The following YEATS2 variants were observed in gnomAD, a reference collection of about 807,000 sequenced individuals.
YEATS2 encodes the protein YEATS domain containing 2.
YEATS2 carries 77 observed loss-of-function variants against 163.2 expected under a neutral mutation model. The ratio of observed to expected loss-of-function variants is 0.47; its 90% CI spans 0.39 to 0.57. The LOEUF is 0.57. Ranked by LOEUF, YEATS2 falls within the 20% of genes least tolerant of loss-of-function variation. The probability of loss-of-function intolerance (pLI) is 0.00; values close to 1 mark genes in which losing one functional copy is unlikely to be tolerated. For missense variants in YEATS2, 1,549 were observed against 1,729.8 expected (o/e 0.90, Z 1.85); for synonymous variants, 631 against 645.1 (o/e 0.98, Z 0.33).
intron 21 of YEATS2, among the ~76,000 whole-genome samples, chr3:183,795,374 G>A (rs1468051092): frequency 6.6e-6 from 1 of 150,526 alleles, no homozygotes; most frequent in Non-Finnish European, 1.5e-5. Context: ...TGTAGCCTTT[G>A]AACTCCTGGG....
intron 10 of YEATS2, among the ~76,000 whole-genome samples, chr3:183,752,996 C>T (rs1385548676): frequency 6.6e-6 from 1 of 151,854 alleles, no homozygotes; most frequent in Non-Finnish European, 1.5e-5. Context: ...TGGGTTTTCA[C>T]CATGTTGGCC....
At chr3:183,744,093 T>C (rs1485831350) in intron 8 of YEATS2, among the ~76,000 whole-genome samples, 2 of 149,078 alleles carry the variant, frequency 1.3e-5, no homozygotes, top group South Asian at 2.1e-4. Context: ...GGAAAGTCTT[T>C]TAGTTTTGCT....
At chr3:183,722,223 TCA>T in intron 5 of YEATS2, 87 bp downstream of exon 5, 1 of 1,382,120 alleles carries the variant, frequency 7.2e-7, no homozygotes, top group Non-Finnish European at 9.6e-7. Context: ...CACTGAACTG[TCA>T]CAGGAATCTT....
intron 21 of YEATS2, among the ~76,000 whole-genome samples, 155 bp from the exon 22 acceptor site, chr3:183,797,758 TGAAATCCACA>T (rs762523395): frequency 6.6e-6 from 1 of 152,212 alleles, no homozygotes; most frequent in Non-Finnish European, 1.5e-5. Flanking sequence ...TGTTTTATTG[TGAAATCCACA>T]GCATCTGTTG....
At chr3:183,737,394 T>C (rs538834086) in intron 8 of YEATS2, among the ~76,000 whole-genome samples, 1 of 152,344 alleles carries the variant, frequency 6.6e-6, no homozygotes, top group East Asian at 1.9e-4. Context: ...TTATGCTTAC[T>C]GCTACAACAC....
At chr3:183,728,302 G>T (rs1717336186) in intron 6 of YEATS2, among the ~76,000 whole-genome samples, 1 of 152,152 alleles carries the variant, frequency 6.6e-6, no homozygotes, top group Non-Finnish European at 1.5e-5. Flanking sequence ...TCACTAAGCA[G>T]GCATTGTCTT....
intron 2 of YEATS2, among the ~76,000 whole-genome samples, chr3:183,717,080 A>G (rs1715970771): frequency 6.6e-6 from 1 of 151,874 alleles, no homozygotes; most frequent in Admixed American, 6.6e-5. Flanking sequence ...TTTGGTAGAG[A>G]CGGGGTTTCA....
rs781031922 is a variant in YEATS2 at position 183,752,195 on chromosome 3, A to G, written c.1092A>G (p.Lys364=). Residue 364 remains lysine, a synonymous_variant, in exon 10 of 31, where the codon AAA becomes AAG. Coordinates refer to ENST00000305135, the MANE Select transcript of YEATS2 (RefSeq NM_018023.5). ...CTTTGACCATTCCAGCCCCAGTGAA[A>G]GCTTCTTCACCAATAAAGCAGTCAC... The part of the protein sequence containing the change: ...SLPLTIPAPV[K]ASSPIKQSHE... 6.2e-7 allele frequency: 1 copy of G among 1,614,090 alleles called. No individual in the cohort carries two copies. The highest frequency in any genetic ancestry group is 1.6e-4 in the Middle Eastern group (1 of 6,062).
At chr3:183,730,558 G>A (rs1717676815) in intron 7 of YEATS2, among the ~76,000 whole-genome samples, 1 of 152,040 alleles carries the variant, frequency 6.6e-6, no homozygotes, top group Non-Finnish European at 1.5e-5. Context: ...CATACCACTG[G>A]GCCTGGGGGT....
chr3:183,715,028 T>C, intron 1 of YEATS2, 116 bp from the exon 2 acceptor site: 1 of 562,336 alleles, frequency 1.8e-6, no homozygotes, highest in Non-Finnish European at 3.2e-6. Context: ...TAATGTAATA[T>C]TTATTTATTT....
chr3:183,785,092 G>C (rs1467180464), intron 19 of YEATS2, among the ~76,000 whole-genome samples: 1 of 151,696 alleles, frequency 6.6e-6, no homozygotes, highest in Non-Finnish European at 1.5e-5. Context: ...AGTTTGTTGA[G>C]CCTTTATTTA....
chr3:183,779,924 T>C (rs1474212537), intron 19 of YEATS2, among the ~76,000 whole-genome samples: 1 of 151,664 alleles, frequency 6.6e-6, no homozygotes, highest in Non-Finnish European at 1.5e-5. Context: ...TCTCGATCTC[T>C]TGACCTCGTG....
intron 1 of YEATS2, among the ~76,000 whole-genome samples, chr3:183,702,776 G>T (rs1237104777): frequency 6.6e-6 from 1 of 151,800 alleles, no homozygotes; most frequent in Non-Finnish European, 1.5e-5. Context: ...GGAGGTTGCA[G>T]TGAGCCAAGA....
At chr3:183,805,797 A>G (rs263036) in intron 27 of YEATS2, among the ~76,000 whole-genome samples, 67,628 of 150,082 alleles carry the variant, frequency 0.45, 15,462 homozygotes, top group Middle Eastern at 0.56. Context: ...CAAAAAAAAA[A>G]GGGGGGGCAA....
In YEATS2 at chr3:183,795,455, A is replaced by ATTT. The variant is rs573338439; in HGVS notation, c.3098-2442_3098-2440dup. On this transcript the variant is annotated intron_variant, in intron 21 of 30. Transcript: ENST00000305135. ...AGGGGCATGCCACCACACGGGACTA[A>ATTT]TTTTTTTTTTTTTTTTTTTTTTTTT... Among the ~76,000 whole-genome samples the ATTT allele has an allele frequency of 3.6e-4, 29 of 79,934 alleles. 2 individuals carry two copies. Among genetic ancestry groups the ATTT allele is most frequent in the African/African-American group, 6.5e-4 (15 of 23,082 alleles). The allele number at this position is 79,934 out of a possible 152,430, so 52.4% of individuals were successfully genotyped here.
intron 6 of YEATS2, among the ~76,000 whole-genome samples, chr3:183,727,705 C>T (rs1352468555): frequency 1.3e-5 from 2 of 152,052 alleles, no homozygotes; most frequent in Non-Finnish European, 2.9e-5. Context: ...TAAAGGGGAG[C>T]GCTAAAGATG....
At chr3:183,772,038 T>A (rs961694837) in intron 15 of YEATS2, among the ~76,000 whole-genome samples, 7 of 152,128 alleles carry the variant, frequency 4.6e-5, no homozygotes, top group African/African-American at 1.7e-4. Context: ...AACTTTTTTC[T>A]TTATACTTCT....
intron 29 of YEATS2, among the ~76,000 whole-genome samples, chr3:183,808,387 G>C (rs1166588255): frequency 6.6e-6 from 1 of 152,134 alleles, no homozygotes; most frequent in Non-Finnish European, 1.5e-5. Context: ...CAGAGACAAA[G>C]CCTATGGTTT....
rs1361296069 is a variant in YEATS2, at chr3:183,761,526, C to T, written c.1676C>T (p.Ala559Val). 2 of 1,614,006 alleles carry T rather than the reference C, an allele frequency of 1.2e-6. No individual in the cohort carries two copies. The highest frequency in any genetic ancestry group is 1.7e-5 in the Admixed American group (1 of 59,994). ...ACACAGCAGGAGGATTCTTTGTTTG[C>T]ATCTATGCCACCTCTTTGCCCAATT... ...STVKQEDSLF[A>V]SMPPLCPIGS... The change falls in exon 14 of 31, where the codon GCA (alanine) becomes GTA (valine). Residue 559 changes from alanine (A) to valine (V), a missense_variant. Transcript: ENST00000305135.
Sources: gnomAD v4.1 joint callset for allele counts (sites outside exome capture counted in the v4.1 genomes callset) on GRCh38, gnomAD v4.1.1 for gene constraint, MANE v1.5 for transcripts, NCBI Gene and HGNC (gene_info 2026-07-23, HGNC 2026-07-21) for gene names.